Variants in TMTC3 observed in about 807,000 individuals in gnomAD.
TMTC3 encodes transmembrane O-mannosyltransferase targeting cadherins 3.
Under a neutral mutation model 92.2 loss-of-function variants are expected in TMTC3, and 52 were observed. The observed-to-expected ratio is 0.56, with a 90% CI of 0.45 to 0.71. The LOEUF (loss-of-function observed/expected upper bound fraction) is 0.71. TMTC3 is among the 30% of genes least tolerant of loss of function. The probability of loss-of-function intolerance (pLI) is 0.00; values close to 1 mark genes in which losing one functional copy is unlikely to be tolerated. For synonymous variants in TMTC3, 339 were observed against 363.3 expected (o/e 0.93, Z 0.76); for missense variants, 896 against 1,057.1 (o/e 0.85, Z 2.11).
chr12:88,155,314 A>G (rs2040993995), intron 4 of TMTC3, among the ~76,000 whole-genome samples: 1 of 152,196 alleles, frequency 6.6e-6, no homozygotes, highest in Admixed American at 6.5e-5. Flanking sequence ...GTGCATAATA[A>G]TAGTCCCCTA....
chr12:88,174,452 C>T (rs1001264600), intron 8 of TMTC3, among the ~76,000 whole-genome samples, 155 bp from the exon 9 acceptor site: 7 of 152,018 alleles, frequency 4.6e-5, no homozygotes, highest in Non-Finnish European at 1.0e-4. Flanking sequence ...GGTGTTGTAT[C>T]CTCTAAAGTT....
chr12:88,170,118 ATAGT>A (rs1456452710), intron 7 of TMTC3, among the ~76,000 whole-genome samples: 1 of 152,200 alleles, frequency 6.6e-6, no homozygotes, highest in African/African-American at 2.4e-5. Flanking sequence ...CAAGAGAGTG[ATAGT>A]TAACTAGGTT....
intron 4 of TMTC3, among the ~76,000 whole-genome samples, chr12:88,156,223 T>C (rs2041007721): frequency 6.6e-6 from 1 of 152,242 alleles, no homozygotes; most frequent in Non-Finnish European, 1.5e-5. Context: ...CCTTCAGATA[T>C]TGAGTTGTTT....
chr12:88,165,620 T>C (rs1231769974), intron 6 of TMTC3, among the ~76,000 whole-genome samples: 1 of 152,116 alleles, frequency 6.6e-6, no homozygotes, highest in Non-Finnish European at 1.5e-5. Flanking sequence ...CAATATAATT[T>C]AGAACACAGA....
chr12:88,190,242 A>G (rs958038691), intron 11 of TMTC3, among the ~76,000 whole-genome samples: 7 of 152,152 alleles, frequency 4.6e-5, no homozygotes, highest in East Asian at 3.8e-4. Flanking sequence ...TTTTATTTGT[A>G]TCTGTCTTTT....
chr12:88,174,818 C>A, intron 9 of TMTC3, 91 bp downstream of exon 9: 1 of 1,469,358 alleles, frequency 6.8e-7, no homozygotes, highest in Non-Finnish European at 9.4e-7. Context: ...TTTAATTAGA[C>A]ATTTAACAGT....
intron 1 of TMTC3, among the ~76,000 whole-genome samples, chr12:88,146,611 G>GTATA (rs1555231456): frequency 0.013 from 1,864 of 147,864 alleles, 38 homozygotes; most frequent in African/African-American, 0.044. Context: ...GTGTGTGTGT[G>GTATA]TATATATATA....
intron 7 of TMTC3, among the ~76,000 whole-genome samples, chr12:88,171,388 C>A (rs1463981149): frequency 6.6e-6 from 1 of 152,104 alleles, no homozygotes; most frequent in Admixed American, 6.6e-5. Context: ...ACCCTGGTGA[C>A]CACCATGTAC....
At chr12:88,152,154 AAT>A (rs1056728821) in intron 2 of TMTC3, among the ~76,000 whole-genome samples, 6 of 152,170 alleles carry the variant, frequency 3.9e-5, no homozygotes, top group Non-Finnish European at 7.3e-5. Context: ...TTATAAGGAA[AAT>A]ATGTTTATTT....
chr12:88,150,140 A>G (rs1211611402), intron 2 of TMTC3, among the ~76,000 whole-genome samples: 1 of 152,228 alleles, frequency 6.6e-6, no homozygotes, highest in African/African-American at 2.4e-5. Context: ...CTGTACAAGA[A>G]GCATAGCAGC....
rs73414732 is a variant in TMTC3, at chr12:88,195,944, C to T, written c.*295C>T. 3.0e-3 allele frequency: 627 copies of T among 210,514 alleles called. 7 individuals are homozygous for T. Among genetic ancestry groups the T allele is most frequent in the African/African-American group, 0.013 (579 of 43,628 alleles). The allele number at this position is 210,514 out of a possible 1,614,324, so 13.0% of individuals were successfully genotyped here. On this transcript the variant is annotated 3_prime_UTR_variant, in exon 14 of 14. Coordinates refer to ENST00000266712, the MANE Select transcript of TMTC3 (RefSeq NM_181783.4). ...TTCTGGCAATGTAATCTTTACTGCTCTCAATTAAAAATAATTTTGAGGCCT... is the reference window on the plus strand; with the variant it reads ...TTCTGGCAATGTAATCTTTACTGCTTTCAATTAAAAATAATTTTGAGGCCT...
At position 88,160,898 on chromosome 12, in the gene TMTC3, T is replaced by G. The variant is rs748569528; in HGVS notation, c.797+47T>G. The G allele has an allele frequency of 3.3e-6, 5 of 1,501,512 alleles. No homozygotes were observed. The East Asian group carries it at 1.1e-4, about 34-fold the overall frequency. 93.0% of individuals were successfully genotyped at this position (1,501,512 alleles called of 1,614,324 possible). ...TTTTCTCCATTCTTTTTTTTAACTT[T>G]GGATTTTAATGATCATAAATGTTGA... On this transcript the variant is annotated intron_variant, in intron 6 of 13. Coordinates refer to ENST00000266712, the MANE Select transcript of TMTC3 (RefSeq NM_181783.4).
Position 88,195,233 on chromosome 12 carries a change from C to G in TMTC3, c.2329C>G (p.Leu777Val), listed in dbSNP as rs756769923. ...DPSNVQGKHNLCVVYFEEKDL... is the reference protein window; with the variant it reads ...DPSNVQGKHNVCVVYFEEKDL... The stretch of plus-strand genomic sequence containing the variant: ...AAGCAATGTGCAAGGAAAACACAAT[C>G]TTTGTGTTGTTTATTTTGAAGAAAA... The change falls in exon 14 of 14, where the codon CTT (leucine) becomes GTT (valine). Residue 777 changes from leucine (L) to valine (V), a missense_variant. Leu to Val is a conservative substitution (Grantham distance 32). Transcript: ENST00000266712. The G allele has an allele frequency of 5.0e-6, 8 of 1,613,810 alleles. No homozygotes were observed. The highest frequency in any genetic ancestry group is 6.8e-6 in the Non-Finnish European group (8 of 1,179,910).
chr12:88,192,532 C>T, intron 12 of TMTC3, 72 bp from the exon 13 acceptor site: 1 of 1,207,718 alleles, frequency 8.3e-7, no homozygotes, highest in South Asian at 1.4e-5. Flanking sequence ...AGGCTTAAAA[C>T]TTGGCAAAAA....
chr12:88,195,666 G>A lies in TMTC3; in HGVS notation c.*17G>A, dbSNP rs763668852. ...GGTGAATAACATTAATATTTATCGT[G>A]ACAATGGTATCAAAGAACATCAATC... On this transcript the variant is annotated 3_prime_UTR_variant, in exon 14 of 14. Coordinates refer to ENST00000266712, the MANE Select transcript of TMTC3 (RefSeq NM_181783.4). The A allele has an allele frequency of 1.3e-6, 2 of 1,557,444 alleles. No individual in the cohort carries two copies. The highest frequency in any genetic ancestry group is 1.7e-6 in the Non-Finnish European group (2 of 1,155,010).
intron 1 of TMTC3, among the ~76,000 whole-genome samples, chr12:88,143,010 T>C (rs908041416): frequency 6.6e-6 from 1 of 152,120 alleles, no homozygotes; most frequent in Non-Finnish European, 1.5e-5. Flanking sequence ...TTCTCTGGTG[T>C]TTACCACTCT....
intron 10 of TMTC3, among the ~76,000 whole-genome samples, chr12:88,182,643 T>A (rs61941050): frequency 0.13 from 19,113 of 152,156 alleles, 2,285 homozygotes; most frequent in African/African-American, 0.31. Context: ...CGACAGAGGC[T>A]TATAAACTTA....
intron 6 of TMTC3, among the ~76,000 whole-genome samples, chr12:88,166,071 T>A (rs1325779132): frequency 6.6e-6 from 1 of 152,180 alleles, no homozygotes; most frequent in Non-Finnish European, 1.5e-5. Flanking sequence ...GTCTGAATTA[T>A]TCTAATAATA....
rs1443322409 is a variant in TMTC3 at position 88,198,001 on chromosome 12, T to TAA, written c.*2355_*2356dup. 4.5e-6 allele frequency: 1 copy of TAA among 221,264 alleles called. No homozygotes were observed. Among genetic ancestry groups the TAA allele is most frequent in the African/African-American group, 2.3e-5 (1 of 44,234 alleles). The allele number at this position is 221,264 out of a possible 1,614,324, so 13.7% of individuals were successfully genotyped here. The stretch of plus-strand genomic sequence containing the variant: ...CTTTTATTTCTCCCATGTTAACTTT[T>TAA]AAAACTAGTAATGTACCCAGTTAAG... On this transcript the variant is annotated 3_prime_UTR_variant, in exon 14 of 14. Coordinates refer to ENST00000266712, the MANE Select transcript of TMTC3 (RefSeq NM_181783.4).
Sources: allele counts gnomAD v4.1 joint callset (sites outside exome capture counted in the v4.1 genomes callset), GRCh38; gene constraint gnomAD v4.1.1; transcripts MANE v1.5; gene names NCBI Gene and HGNC (gene_info 2026-07-23, HGNC 2026-07-21).